Variants in IFT88 observed in about 807,000 individuals in gnomAD.
The protein encoded by IFT88 is intraflagellar transport protein 88 homolog.
IFT88 carries 74 observed loss-of-function variants against 119.5 expected under a neutral mutation model. The observed-to-expected ratio is 0.62, with a 90% CI of 0.51 to 0.75. The LOEUF is 0.75. Ranked by LOEUF, IFT88 falls within the 30% of genes least tolerant of loss-of-function variation. The pLI is 0.00. For synonymous variants in IFT88, 279 were observed against 316.7 expected, an observed-to-expected ratio of 0.88 and a Z score of 1.26; for missense variants, 961 against 977.7, an observed-to-expected ratio of 0.98 and a Z score of 0.23.
rs187454095 is a variant in IFT88 at position 20,597,740 on chromosome 13, C to T, written c.594+621C>T. ...GAGCCTGGGCGACAGAGCGAGACTC[C>T]GTCTCAAAAAAAAAATATATATATA... is the stretch of plus-strand genomic sequence containing the variant. On this transcript the variant is annotated intron_variant, in intron 9 of 25. Transcript: ENST00000351808. Among the ~76,000 whole-genome samples the T allele has an allele frequency of 2.0e-3, 283 of 141,594 alleles. 1 individual carries two copies. The highest frequency in any genetic ancestry group is 3.5e-3 in the Non-Finnish European group (229 of 64,530). 92.9% of individuals were successfully genotyped at this position (141,594 alleles called of 152,430 possible).
rs567423647 is a variant in IFT88 at position 20,582,989 on chromosome 13, T to C, written c.123T>C (p.Ala41=). ...AGAATGATGCAGCTTTTCAGCAAGC[T>C]GTGAGGACTAGTCATGGCAGAAGAC... ...ELENDAAFQQ[A]VRTSHGRRPP... Residue 41 remains alanine, a synonymous_variant, in exon 3 of 26, where the codon GCT becomes GCC. Coordinates refer to ENST00000351808, the MANE Select transcript of IFT88 (RefSeq NM_006531.5). 1.9e-6 allele frequency: 3 copies of C among 1,612,942 alleles called. No homozygotes were observed. The South Asian group carries it at 3.3e-5, about 18-fold the overall frequency.
intron 24 of IFT88, among the ~76,000 whole-genome samples, chr13:20,688,810 T>C (rs562907588): frequency 7.2e-5 from 11 of 152,312 alleles, no homozygotes; most frequent in Admixed American, 5.9e-4. Flanking sequence ...CATTGCAGCA[T>C]TGGACTTCAG....
intron 24 of IFT88, among the ~76,000 whole-genome samples, chr13:20,683,080 C>T (rs1001499313): frequency 1.8e-4 from 27 of 152,102 alleles, no homozygotes; most frequent in Middle Eastern, 3.2e-3. Context: ...CTGATTTTTT[C>T]TTAATAACAA....
At chr13:20,610,119 C>G (rs1454671152) in intron 13 of IFT88, among the ~76,000 whole-genome samples, 9 of 133,014 alleles carry the variant, frequency 6.8e-5, no homozygotes, top group African/African-American at 2.0e-4. Flanking sequence ...TTTTTTTTGT[C>G]TTTTGTTTGC....
chr13:20,571,529 A>T (rs1052632817), intron 1 of IFT88, among the ~76,000 whole-genome samples: 1 of 152,172 alleles, frequency 6.6e-6, no homozygotes, highest in African/African-American at 2.4e-5. Flanking sequence ...TTTACAGTAT[A>T]TCTATATGGT....
At chr13:20,680,010 T>C (rs1405787416) in intron 24 of IFT88, among the ~76,000 whole-genome samples, 1 of 152,186 alleles carries the variant, frequency 6.6e-6, no homozygotes, top group East Asian at 1.9e-4. Flanking sequence ...CAATCAATAA[T>C]GACTCCATAT....
In IFT88 at chr13:20,591,658, G is replaced by GT. The variant is rs1310552282; in HGVS notation, c.309dup (p.Thr104TyrfsTer11). 6.2e-7 allele frequency: 1 copy of GT among 1,612,262 alleles called. No homozygotes were observed. The highest frequency in any genetic ancestry group is 8.5e-7 in the Non-Finnish European group (1 of 1,178,780). ...CCCATGACAGCAGTGAGAGCAGCTG[G>GT]TTTTACCAAAGCAGCTTTGAGAGGT... On this transcript the variant is annotated frameshift_variant, in exon 6 of 26. Transcript: ENST00000351808. LOFTEE classifies it high-confidence loss of function.
chr13:20,602,808 G>T (rs9506525), intron 12 of IFT88, among the ~76,000 whole-genome samples: 105,458 of 151,610 alleles, frequency 0.7, 37,714 homozygotes, highest in East Asian at 1. Flanking sequence ...GCTTGAACTT[G>T]GGAGGTGGAG....
rs1034248708 is a variant in IFT88, at chr13:20,646,072, G to A, written c.1949+1114G>A. On this transcript the variant is annotated intron_variant, in intron 20 of 25. Coordinates refer to ENST00000351808, the MANE Select transcript of IFT88 (RefSeq NM_006531.5). ...CTCTTCCTTCTTTGAGGCTCAGTCCGCCACTGTTCCATTTTTAACTCCTAT... is the reference window on the plus strand; with the variant it reads ...CTCTTCCTTCTTTGAGGCTCAGTCCACCACTGTTCCATTTTTAACTCCTAT... 6.4e-4 allele frequency among the ~76,000 whole-genome samples: 98 copies of A among 152,178 alleles called. 1 individual carries two copies. The highest frequency in any genetic ancestry group is 2.2e-3 in the African/African-American group (91 of 41,520).
At chr13:20,627,771 C>T (rs1027710438) in intron 15 of IFT88, among the ~76,000 whole-genome samples, 5 of 149,972 alleles carry the variant, frequency 3.3e-5, no homozygotes, top group Non-Finnish European at 5.9e-5. Context: ...AATGCATTGC[C>T]ATGGCTCATG....
chr13:20,608,430 C>G (rs74452894), intron 13 of IFT88, among the ~76,000 whole-genome samples: 2,109 of 152,256 alleles, frequency 0.014, 51 homozygotes, highest in African/African-American at 0.048. Flanking sequence ...GGGTCCCTGC[C>G]GAGATCTTGG....
intron 13 of IFT88, among the ~76,000 whole-genome samples, chr13:20,608,882 GCT>G (rs567389891): frequency 4.4e-4 from 67 of 152,124 alleles, no homozygotes; most frequent in African/African-American, 2.4e-5. Context: ...AAGGGAAACT[GCT>G]CTCTCTCTCT....
intron 13 of IFT88, chr13:20,607,601 C>G (rs2043730121): frequency 1.3e-6 from 1 of 758,964 alleles, no homozygotes; most frequent in African/African-American, 1.7e-5. Flanking sequence ...TCCCGCTGCT[C>G]AACATCTTGG....
At chr13:20,627,674 T>C (rs1473241086) in intron 15 of IFT88, among the ~76,000 whole-genome samples, 2 of 128,658 alleles carry the variant, frequency 1.6e-5, no homozygotes, top group African/African-American at 3.0e-5. Context: ...GAAGTTGCAA[T>C]GAGCTGAGAT....
intron 15 of IFT88, among the ~76,000 whole-genome samples, chr13:20,626,460 A>G (rs543573739): frequency 6.6e-6 from 1 of 152,182 alleles, no homozygotes; most frequent in African/African-American, 2.4e-5. Flanking sequence ...AGGTTTTCAA[A>G]GTGTTCCCCA....
At chr13:20,593,709 T>C (rs1273146067) in intron 7 of IFT88, among the ~76,000 whole-genome samples, 1 of 152,054 alleles carries the variant, frequency 6.6e-6, no homozygotes, top group African/African-American at 2.4e-5. Context: ...TATTATGTCA[T>C]TCATGGTCCT....
chr13:20,634,822 A>G (rs1381716221), intron 16 of IFT88, among the ~76,000 whole-genome samples: 4 of 150,520 alleles, frequency 2.7e-5, no homozygotes, highest in Non-Finnish European at 5.9e-5. Context: ...TTTATACTTT[A>G]AGTTTTAGGG....
intron 20 of IFT88, among the ~76,000 whole-genome samples, chr13:20,653,505 A>C (rs990987111): frequency 1.3e-5 from 2 of 152,196 alleles, no homozygotes; most frequent in African/African-American, 2.4e-5. Flanking sequence ...CTAGATCAAA[A>C]ATCGCTTCTC....
chr13:20,608,276 A>T (rs1002382038), intron 13 of IFT88: 2 of 187,794 alleles, frequency 1.1e-5, no homozygotes, highest in African/African-American at 4.7e-5. Flanking sequence ...GTAACTCTTC[A>T]TCAGAAGCAC....
Sources: gnomAD v4.1 joint callset for allele counts (sites outside exome capture counted in the v4.1 genomes callset) on GRCh38, gnomAD v4.1.1 for gene constraint, MANE v1.5 for transcripts, NCBI Gene and HGNC (gene_info 2026-07-23, HGNC 2026-07-21) for gene names.